MGAT4A: variants seen among roughly 807,000 people sequenced by gnomAD.
The protein encoded by MGAT4A is alpha-1,3-mannosyl-glycoprotein 4-beta-N-acetylglucosaminyltransferase A, also known as N-acetylglucosaminyltransferase IVa.
In MGAT4A, 33 loss-of-function variants were observed where a neutral mutation model predicts 74.1. The observed-to-expected ratio is 0.45, with a 90% CI of 0.34 to 0.60. The LOEUF (loss-of-function observed/expected upper bound fraction) is 0.60, where lower values mean the gene tolerates loss of function less well. Ranked by LOEUF, MGAT4A falls within the 20% of genes least tolerant of loss-of-function variation. MGAT4A has a pLI of 0.02. For missense variants in MGAT4A, 479 were observed against 628.3 expected, an observed-to-expected ratio of 0.76 and a Z score of 2.54; for synonymous variants, 198 against 210.4, an observed-to-expected ratio of 0.94 and a Z score of 0.51.
At chr2:98,715,629 T>C (rs2104329859) in intron 2 of MGAT4A, among the ~76,000 whole-genome samples, 1 of 152,176 alleles carries the variant, frequency 6.6e-6, no homozygotes, top group Non-Finnish European at 1.5e-5. Flanking sequence ...CAACACACAC[T>C]GGGGCCTTTT....
chr2:98,679,969 C>T (rs545574562), intron 2 of MGAT4A, among the ~76,000 whole-genome samples: 36 of 151,996 alleles, frequency 2.4e-4, no homozygotes, highest in Non-Finnish European at 5.0e-4. Context: ...TAAGATAAAC[C>T]GCAAGCGTGC....
intron 4 of MGAT4A, among the ~76,000 whole-genome samples, chr2:98,667,214 G>A (rs181948249): frequency 2.0e-5 from 3 of 152,246 alleles, no homozygotes; most frequent in South Asian, 2.1e-4. Context: ...TCTTTCTTTT[G>A]TAAATTGCCC....
rs533540092 is a variant in MGAT4A at position 98,630,670 on chromosome 2, G to T, written c.1468+4552C>A. Among the ~76,000 whole-genome samples, 4 of 152,226 alleles carry T rather than the reference G, an allele frequency of 2.6e-5. No homozygotes were observed. The South Asian group carries it at 8.3e-4, about 32-fold the overall frequency. ...AAGAGATGTAAAACTGGATTATAGG[G>T]CGTATCATTTGTGTGTGACGATGTG... is the stretch of plus-strand genomic sequence containing the variant. On this transcript the variant is annotated intron_variant, in intron 14 of 15. Transcript: ENST00000393487.
chr2:98,638,433 T>C (rs1701355797), intron 12 of MGAT4A, among the ~76,000 whole-genome samples: 1 of 152,256 alleles, frequency 6.6e-6, no homozygotes, highest in South Asian at 2.1e-4. Context: ...AAAGTTTTCA[T>C]GTCAATACAT....
At chr2:98,703,367 G>T (rs1371538777) in intron 2 of MGAT4A, among the ~76,000 whole-genome samples, 1 of 152,130 alleles carries the variant, frequency 6.6e-6, no homozygotes, top group African/African-American at 2.4e-5. Flanking sequence ...AGAGAAAAAA[G>T]ATTGAGGAAA....
rs895926418 is a variant in MGAT4A at position 98,619,599 on chromosome 2, C to A, written c.*5967G>T. 1 of 152,174 alleles carries A rather than the reference C, an allele frequency of 6.6e-6. No individual in the cohort carries two copies. The highest frequency in any genetic ancestry group is 6.5e-5 in the Admixed American group (1 of 15,270). The allele number at this position is 152,174 out of a possible 1,614,324, so 9.4% of individuals were successfully genotyped here. A position where few individuals can be genotyped will look rare whatever the true frequency, so the allele number is the denominator to read the frequency against. ...CTGCCTACACTGAAATGAAAAGTAT[C>A]AAATCTACTGGCAGTGCATCTTACA... is the stretch of plus-strand genomic sequence containing the variant. On this transcript the variant is annotated 3_prime_UTR_variant, in exon 16 of 16. Coordinates refer to ENST00000393487, the MANE Select transcript of MGAT4A (RefSeq NM_012214.3).
chr2:98,632,997 A>C (rs1268810862), intron 14 of MGAT4A, among the ~76,000 whole-genome samples: 1 of 152,154 alleles, frequency 6.6e-6, no homozygotes. Flanking sequence ...TGAGCTGGTG[A>C]TCTGCCTACC....
At chr2:98,631,452 C>T (rs1165546699) in intron 14 of MGAT4A, among the ~76,000 whole-genome samples, 1 of 152,226 alleles carries the variant, frequency 6.6e-6, no homozygotes, top group African/African-American at 2.4e-5. Context: ...GTTGCATTTC[C>T]CAAGACCACC....
intron 10 of MGAT4A, among the ~76,000 whole-genome samples, chr2:98,640,640 T>C (rs186516120): frequency 2.2e-4 from 33 of 152,014 alleles, no homozygotes; most frequent in East Asian, 1.4e-3. Flanking sequence ...AACAACAAAA[T>C]TGAAAAGAAA....
At position 98,720,964 on chromosome 2, in the gene MGAT4A, C is replaced by T. The variant is rs558261790; in HGVS notation, c.94+5275G>A. Among the ~76,000 whole-genome samples, 89 of 152,292 alleles carry T rather than the reference C, an allele frequency of 5.8e-4. 1 individual carries two copies. Among genetic ancestry groups the T allele is most frequent in the African/African-American group, 2.0e-3 (84 of 41,562 alleles). ...TCCAGGAAGCTCAACAGACTCCAAA[C>T]AGGGTCAATAAAAGAGACCCACAAA... On this transcript the variant is annotated intron_variant, in intron 2 of 15. Coordinates refer to ENST00000393487, the MANE Select transcript of MGAT4A (RefSeq NM_012214.3).
At chr2:98,717,757 C>T (rs1702612043) in intron 2 of MGAT4A, among the ~76,000 whole-genome samples, 1 of 152,132 alleles carries the variant, frequency 6.6e-6, no homozygotes, top group Admixed American at 6.6e-5. Context: ...CAGCTCTCTC[C>T]TCCCTCCTCT....
At chr2:98,697,282 T>C (rs968398498) in intron 2 of MGAT4A, among the ~76,000 whole-genome samples, 3 of 152,146 alleles carry the variant, frequency 2.0e-5, no homozygotes, top group African/African-American at 7.2e-5. Context: ...TCACGCAGAA[T>C]AAAAAATTCC....
chr2:98,637,436 C>A (rs1701339826), intron 12 of MGAT4A, among the ~76,000 whole-genome samples: 1 of 152,014 alleles, frequency 6.6e-6, no homozygotes, highest in African/African-American at 2.4e-5. Flanking sequence ...CTTAAAATAT[C>A]TGAATATCAA....
chr2:98,651,101 C>T (rs1374195186), intron 8 of MGAT4A, among the ~76,000 whole-genome samples: 1 of 144,944 alleles, frequency 6.9e-6, no homozygotes, highest in African/African-American at 2.6e-5. Context: ...GAAATTAAGA[C>T]TTTCCCAGAT....
intron 2 of MGAT4A, among the ~76,000 whole-genome samples, chr2:98,703,023 A>G (rs534365404): frequency 1.3e-5 from 2 of 152,336 alleles, no homozygotes; most frequent in African/African-American, 2.4e-5. Flanking sequence ...TACTCGGGGG[A>G]AAAATAAAAT....
At chr2:98,687,416 G>A (rs1423797960) in intron 2 of MGAT4A, among the ~76,000 whole-genome samples, 1 of 152,082 alleles carries the variant, frequency 6.6e-6, no homozygotes, top group Admixed American at 6.5e-5. Context: ...ACACACTATG[G>A]AGTAGCTCTA....
At chr2:98,635,719 A>C (rs1701308632) in intron 13 of MGAT4A, among the ~76,000 whole-genome samples, 1 of 152,104 alleles carries the variant, frequency 6.6e-6, no homozygotes, top group Admixed American at 6.6e-5. Context: ...CAGGCCAGGC[A>C]CAGTGGCTCA....
rs543542203 is a variant in MGAT4A, at chr2:98,669,376, C to T, written c.403+5659G>A. Reference sequence around the variant, plus strand: ...CTCTCTCTTTGCCTGCTGCCATCCACGTAAGATGTGACTTGCTCCTCCTTG... The same window carrying T: ...CTCTCTCTTTGCCTGCTGCCATCCATGTAAGATGTGACTTGCTCCTCCTTG... On this transcript the variant is annotated intron_variant, in intron 4 of 15. Coordinates refer to ENST00000393487, the MANE Select transcript of MGAT4A (RefSeq NM_012214.3). Among the ~76,000 whole-genome samples, 7 of 152,276 alleles carry T rather than the reference C, an allele frequency of 4.6e-5. No individual in the cohort carries two copies. The South Asian group carries it at 6.2e-4, about 14-fold the overall frequency.
At chr2:98,655,327 A>G in intron 8 of MGAT4A, 118 bp downstream of exon 8, 2 of 689,300 alleles carry the variant, frequency 2.9e-6, no homozygotes, top group Non-Finnish European at 2.4e-6. Context: ...TGAGATAGTT[A>G]TGATTTGTCA....
Sources: allele counts gnomAD v4.1 joint callset (sites outside exome capture counted in the v4.1 genomes callset), GRCh38; gene constraint gnomAD v4.1.1; transcripts MANE v1.5; gene names NCBI Gene and HGNC (gene_info 2026-07-23, HGNC 2026-07-21).